DLG2: variants seen among roughly 807,000 people sequenced by gnomAD.
The protein encoded by DLG2 is discs large MAGUK scaffold protein 2.
DLG2 carries 45 observed loss-of-function variants against 132.5 expected under a neutral mutation model. The ratio of observed to expected loss-of-function variants is 0.34; its 90% CI spans 0.27 to 0.44. The LOEUF (loss-of-function observed/expected upper bound fraction) is 0.44, where lower values mean the gene tolerates loss of function less well. Among genes scored for constraint, DLG2 ranks in the 20% least tolerant of loss-of-function variants. The probability of loss-of-function intolerance (pLI) is 1.00; values close to 1 mark genes in which losing one functional copy is unlikely to be tolerated. For missense variants in DLG2, 1,045 were observed against 1,196.9 expected, an observed-to-expected ratio of 0.87 and a Z score of 1.87; for synonymous variants, 424 against 419.6, an observed-to-expected ratio of 1.01 and a Z score of -0.13.
At chr11:83,896,593 T>G (rs1218897263) in intron 15 of DLG2, among the ~76,000 whole-genome samples, 1 of 152,338 alleles carries the variant, frequency 6.6e-6, no homozygotes, top group Admixed American at 6.5e-5. Flanking sequence ...TACGACTGAG[T>G]TTTTTATTAA....
At chr11:84,518,689 A>T (rs566085459) in intron 7 of DLG2, among the ~76,000 whole-genome samples, 2 of 152,140 alleles carry the variant, frequency 1.3e-5, no homozygotes, top group South Asian at 4.1e-4. Context: ...AATTGCTGAG[A>T]TTTTTCCCCC....
At chr11:85,258,018 T>G (rs1431491560) in intron 4 of DLG2, among the ~76,000 whole-genome samples, 3 of 152,194 alleles carry the variant, frequency 2.0e-5, no homozygotes, top group African/African-American at 7.2e-5. Flanking sequence ...CTCTAAGGAC[T>G]CAGGAACTGA....
intron 6 of DLG2, among the ~76,000 whole-genome samples, chr11:84,855,160 C>G (rs1407481391): frequency 6.6e-6 from 1 of 151,922 alleles, no homozygotes; most frequent in Admixed American, 6.6e-5. Flanking sequence ...TGTTTCTGCC[C>G]CATGTTAACT....
In DLG2 at chr11:83,472,734, C is replaced by A. The variant is rs775949249; in HGVS notation, c.2337G>T (p.Arg779Ser). Residue 779 changes from arginine to serine, a missense_variant, in exon 23 of 28, where the codon AGG becomes AGT. Physicochemically the swap from Arg to Ser is moderately radical, Grantham distance 110. Coordinates refer to ENST00000376104, the MANE Select transcript of DLG2 (RefSeq NM_001142699.3). ...GCGTGCTGGGAAACTTACTTTCCTG[C>A]CTTGTAACAGGCTCATAGGAAAGAA... ...DLILSYEPVT[R>S]QEINYTRPVI... 22 of 1,611,214 alleles carry A rather than the reference C, an allele frequency of 1.4e-5. No homozygotes were observed. Among genetic ancestry groups the A allele is most frequent in the Admixed American group, 1.7e-5 (1 of 59,462 alleles).
intron 6 of DLG2, among the ~76,000 whole-genome samples, chr11:84,752,725 C>G (rs1433335807): frequency 1.8e-5 from 2 of 111,994 alleles, no homozygotes; most frequent in South Asian, 3.8e-4. Flanking sequence ...CCCCTCCCCC[C>G]ACCCCACTAC....
chr11:85,269,347 T>C (rs761180800), intron 4 of DLG2, among the ~76,000 whole-genome samples: 7 of 152,186 alleles, frequency 4.6e-5, no homozygotes, highest in Admixed American at 2.0e-4. Flanking sequence ...CCAAATTAGA[T>C]TGGATTCCAG....
intron 15 of DLG2, among the ~76,000 whole-genome samples, chr11:83,889,992 G>A (rs1040945624): frequency 1.3e-5 from 2 of 151,454 alleles, no homozygotes; most frequent in Non-Finnish European, 2.9e-5. Context: ...GATAGCTTTC[G>A]GAGATATACC....
At chr11:84,307,380 AACC>A (rs1386324897) in intron 7 of DLG2, among the ~76,000 whole-genome samples, 2 of 152,144 alleles carry the variant, frequency 1.3e-5, no homozygotes, top group African/African-American at 4.8e-5. Context: ...AGGACTGAAA[AACC>A]ACCTATTGAA....
At chr11:84,648,293 C>T (rs1480009097) in intron 6 of DLG2, among the ~76,000 whole-genome samples, 2 of 152,108 alleles carry the variant, frequency 1.3e-5, no homozygotes, top group African/African-American at 4.8e-5. Flanking sequence ...CCTTGATTAC[C>T]AAAGGCTGAT....
Position 84,994,192 on chromosome 11 carries a change from T to C in DLG2, c.357+117469A>G, listed in dbSNP as rs548875850. ...TATGTAGTCCAGGTTTAGCTACTCT[T>C]AGCCCTAATACAAACGTGAGCCTCA... On this transcript the variant is annotated intron_variant, in intron 6 of 27. Coordinates refer to ENST00000376104, the MANE Select transcript of DLG2 (RefSeq NM_001142699.3). 6.0e-4 allele frequency among the ~76,000 whole-genome samples: 92 copies of C among 152,310 alleles called. 1 individual carries two copies. The South Asian group carries it at 0.019, about 31-fold the overall frequency.
chr11:85,058,683 T>C (rs1395143279), intron 6 of DLG2, among the ~76,000 whole-genome samples: 1 of 151,520 alleles, frequency 6.6e-6, no homozygotes, highest in Non-Finnish European at 1.5e-5. Flanking sequence ...TAAGGACAAA[T>C]AGACCAGGTA....
At chr11:84,211,475 G>A (rs2096754289) in intron 8 of DLG2, among the ~76,000 whole-genome samples, 1 of 152,100 alleles carries the variant, frequency 6.6e-6, no homozygotes, top group African/African-American at 2.4e-5. Flanking sequence ...AAACTCCTGG[G>A]CTCCAGTGAT....
intron 3 of DLG2, among the ~76,000 whole-genome samples, chr11:85,427,246 C>G (rs887683028): frequency 6.6e-6 from 1 of 152,078 alleles, no homozygotes; most frequent in Non-Finnish European, 1.5e-5. Context: ...GCAAGGCAGG[C>G]CAACATTCAA....
At chr11:84,176,019 T>C (rs2095954127) in intron 8 of DLG2, among the ~76,000 whole-genome samples, 1 of 152,074 alleles carries the variant, frequency 6.6e-6, no homozygotes. Flanking sequence ...AACAGTATTA[T>C]TAATTTTCAT....
chr11:84,563,082 C>T (rs969799897), intron 6 of DLG2, among the ~76,000 whole-genome samples: 3 of 152,182 alleles, frequency 2.0e-5, no homozygotes, highest in Non-Finnish European at 2.9e-5. Context: ...TCTTGAGTAA[C>T]GTTTCTACTA....
intron 7 of DLG2, among the ~76,000 whole-genome samples, chr11:84,349,019 A>G (rs150740742): frequency 7.7e-4 from 117 of 152,294 alleles, no homozygotes; most frequent in African/African-American, 2.6e-3. Flanking sequence ...TAAGCCACCA[A>G]TTTGGGGTAC....
At chr11:84,091,013 T>G (rs1465250530) in intron 10 of DLG2, among the ~76,000 whole-genome samples, 1 of 152,178 alleles carries the variant, frequency 6.6e-6, no homozygotes, top group Non-Finnish European at 1.5e-5. Context: ...AAACTAAGTT[T>G]AAAAGGCAAA....
In DLG2 at chr11:84,834,797, G is replaced by GGA. The variant is rs2079511570; in HGVS notation, c.357+276863_357+276864insTC. Among the ~76,000 whole-genome samples, 4 of 144,342 alleles carry GGA rather than the reference G, an allele frequency of 2.8e-5. No homozygotes were observed. In the South Asian group the frequency reaches 8.6e-4, roughly 31 times the overall value. The allele number at this position is 144,342 out of a possible 152,430, so 94.7% of individuals were successfully genotyped here. A position where few individuals can be genotyped will look rare whatever the true frequency, so the allele number is the denominator to read the frequency against. On this transcript the variant is annotated intron_variant, in intron 6 of 27. Transcript: ENST00000376104. ...TGCCAAGAATTTTAGTCTTTTCTCA[G>GGA]AAAAAAAAAAAAATCAACAAAAGGA... is the stretch of plus-strand genomic sequence containing the variant.
In DLG2 at chr11:84,489,272, C is replaced by T. The variant is rs145484313; in HGVS notation, c.519+45298G>A. Among the ~76,000 whole-genome samples the T allele has an allele frequency of 7.2e-3, 1,098 of 152,048 alleles. 14 individuals carry two copies. The highest frequency in any genetic ancestry group is 0.023 in the African/African-American group (959 of 41,524). On this transcript the variant is annotated intron_variant, in intron 7 of 27. Coordinates refer to ENST00000376104, the MANE Select transcript of DLG2 (RefSeq NM_001142699.3). Reference sequence around the variant, plus strand: ...GTCTCAGCACTGATTATTTATGTTCCGAAGGATAATGGTGGTTCATCTTTC... The same window carrying T: ...GTCTCAGCACTGATTATTTATGTTCTGAAGGATAATGGTGGTTCATCTTTC...
Sources: allele counts gnomAD v4.1 joint callset (sites outside exome capture counted in the v4.1 genomes callset), GRCh38; gene constraint gnomAD v4.1.1; transcripts MANE v1.5; gene names NCBI Gene and HGNC (gene_info 2026-07-23, HGNC 2026-07-21).